The following SGCD variants were observed in gnomAD, a reference collection of about 807,000 sequenced individuals.
SGCD encodes the protein delta-sarcoglycan.
Under a neutral mutation model 36.6 loss-of-function variants are expected in SGCD, and 18 were observed. That is an observed-to-expected ratio of 0.49 (90% confidence interval 0.34 to 0.73). SGCD has a LOEUF of 0.73. Among genes scored for constraint, SGCD ranks in the 30% least tolerant of loss-of-function variants. The pLI, the probability that SGCD is intolerant of heterozygous loss-of-function variation, is 0.01. For synonymous variants in SGCD, 133 were observed against 130.6 expected, an observed-to-expected ratio of 1.02 and a Z score of -0.12; for missense variants, 387 against 346.7, an observed-to-expected ratio of 1.12 and a Z score of -0.92.
Position 156,030,403 on chromosome 5 carries a change from G to A in SGCD, c.-281-87475G>A, listed in dbSNP as rs28716442. Among the ~76,000 whole-genome samples the A allele has an allele frequency of 2.5e-3, 375 of 152,238 alleles. 2 individuals carry two copies. Among genetic ancestry groups the A allele is most frequent in the African/African-American group, 8.7e-3 (361 of 41,536 alleles). On this transcript the variant is annotated intron_variant, in intron 1 of 9. Transcript: ENST00000517913. ...AGTCATAGGGGAAATGCCAGGTGAC[G>A]GCAGAGGCAGAGATGAGAGTGGCAT...
intron 3 of SGCD, among the ~76,000 whole-genome samples, chr5:156,457,096 C>T (rs1442948869): frequency 6.6e-6 from 1 of 152,126 alleles, no homozygotes; most frequent in Non-Finnish European, 1.5e-5. Context: ...TTTATGCTAA[C>T]TTTCTTATTT....
In SGCD at chr5:156,763,435, C is replaced by G. The variant is rs1757532405; in HGVS notation, c.*4045C>G. The G allele has an allele frequency of 6.6e-6, 1 of 152,472 alleles. No homozygotes were observed. The highest frequency in any genetic ancestry group is 1.5e-5 in the Non-Finnish European group (1 of 67,988). The allele number at this position is 152,472 out of a possible 1,614,324, so 9.4% of individuals were successfully genotyped here. On this transcript the variant is annotated 3_prime_UTR_variant, in exon 9 of 9. Transcript: ENST00000337851. ...AAATAATTGGAAGTATTGGAAAAAG[C>G]AAAATACATGGGGACAAAAAAAATA...
At position 156,423,376 on chromosome 5, in the gene SGCD, T is replaced by TTATAA. The variant is rs1189825662; in HGVS notation, c.192+78709_192+78713dup. ...TTTTATTATAATATATTATATTTTA[T>TTATAA]TATAATATAATATATTATATTTTAT... On this transcript the variant is annotated intron_variant, in intron 3 of 8. Coordinates refer to ENST00000337851, the MANE Select transcript of SGCD (RefSeq NM_000337.6). Among the ~76,000 whole-genome samples the TTATAA allele has an allele frequency of 6.3e-4, 53 of 83,582 alleles. 1 individual carries two copies. The highest frequency in any genetic ancestry group is 4.4e-3 in the East Asian group (13 of 2,926). The allele number at this position is 83,582 out of a possible 152,430, so 54.8% of individuals were successfully genotyped here.
intron 3 of SGCD, among the ~76,000 whole-genome samples, chr5:156,486,653 A>G (rs1260616563): frequency 6.6e-6 from 1 of 152,142 alleles, no homozygotes; most frequent in Non-Finnish European, 1.5e-5. Context: ...CACTTGTTAT[A>G]CAGGGGGCTG....
chr5:156,487,931 C>T (rs1326418470), intron 3 of SGCD, among the ~76,000 whole-genome samples: 1 of 137,678 alleles, frequency 7.3e-6, no homozygotes, highest in Non-Finnish European at 1.5e-5. Flanking sequence ...AGAAAAAATT[C>T]ATAATCTCAA....
At chr5:156,386,616 T>G (rs1771289296) in intron 3 of SGCD, among the ~76,000 whole-genome samples, 1 of 152,234 alleles carries the variant, frequency 6.6e-6, no homozygotes, top group Non-Finnish European at 1.5e-5. Flanking sequence ...GCCATATATC[T>G]TAATGAAATG....
intron 3 of SGCD, among the ~76,000 whole-genome samples, chr5:156,188,276 G>T (rs557319456): frequency 6.6e-6 from 1 of 152,106 alleles, no homozygotes; most frequent in Non-Finnish European, 1.5e-5. Flanking sequence ...TCCTGCCCTT[G>T]TGGAGCTCAT....
At chr5:156,495,396 C>A (rs779473400) in intron 3 of SGCD, among the ~76,000 whole-genome samples, 44 of 152,212 alleles carry the variant, frequency 2.9e-4, no homozygotes, top group Non-Finnish European at 3.2e-4. Context: ...CTGAACTTAT[C>A]CCTGGAAACC....
the SGCD span, among the ~76,000 whole-genome samples, chr5:155,859,136 A>G: frequency 6.6e-6 from 1 of 151,744 alleles, no homozygotes; most frequent in Admixed American, 6.6e-5. Flanking sequence ...ATCATGGCTC[A>G]CTGCAGCCGT....
chr5:156,458,782 G>A (rs1036698408), intron 3 of SGCD, among the ~76,000 whole-genome samples: 1 of 152,162 alleles, frequency 6.6e-6, no homozygotes, highest in Non-Finnish European at 1.5e-5. Context: ...AATTTCAAGA[G>A]CATGATGAGA....
At chr5:156,121,797 A>G (rs1235788240) in intron 2 of SGCD, among the ~76,000 whole-genome samples, 2 of 152,022 alleles carry the variant, frequency 1.3e-5, no homozygotes, top group Non-Finnish European at 2.9e-5. Context: ...CATACTTTTT[A>G]TAGTAAAGCA....
At chr5:155,854,554 T>TTA in the SGCD span, among the ~76,000 whole-genome samples, 3 of 152,168 alleles carry the variant, frequency 2.0e-5, no homozygotes, top group Non-Finnish European at 4.4e-5. Flanking sequence ...TACAGGTAGA[T>TTA]TATGCTGATT....
At chr5:156,455,096 C>A (rs1029886779) in intron 3 of SGCD, among the ~76,000 whole-genome samples, 1 of 152,132 alleles carries the variant, frequency 6.6e-6, no homozygotes, top group Non-Finnish European at 1.5e-5. Context: ...AGTTGATAAG[C>A]AATAAATAGA....
rs111707662 is a variant in SGCD, at chr5:156,713,415, G to C, written c.576-44166G>C. 4.8e-3 allele frequency among the ~76,000 whole-genome samples: 712 copies of C among 149,540 alleles called. 9 individuals carry two copies. The highest frequency in any genetic ancestry group is 0.017 in the African/African-American group (680 of 40,264). On this transcript the variant is annotated intron_variant, in intron 7 of 8. Transcript: ENST00000337851. Reference sequence around the variant, plus strand: ...AATATGGACTTTGAACATGTCGGGGGGGGCGTTATAGGAGGGAGAGAGGAG... The same window carrying C: ...AATATGGACTTTGAACATGTCGGGGCGGGCGTTATAGGAGGGAGAGAGGAG...
the SGCD span, among the ~76,000 whole-genome samples, chr5:155,853,045 C>T: frequency 6.7e-6 from 1 of 149,360 alleles, no homozygotes; most frequent in African/African-American, 2.6e-5. Flanking sequence ...TATCCAAGCT[C>T]TAAGACTGGA....
At chr5:155,732,694 C>A in the SGCD span, among the ~76,000 whole-genome samples, 1 of 152,164 alleles carries the variant, frequency 6.6e-6, no homozygotes, top group Non-Finnish European at 1.5e-5. Context: ...CCCCTAAAGG[C>A]TTACTGAATC....
chr5:156,508,459 C>T, intron 3 of SGCD, 142 bp from the exon 4 acceptor site: 1 of 607,010 alleles, frequency 1.6e-6, no homozygotes, highest in South Asian at 2.1e-5. Context: ...TAATATTTTA[C>T]ATGTTTTTTG....
chr5:156,400,896 A>G (rs1168704210), intron 3 of SGCD, among the ~76,000 whole-genome samples: 2 of 152,214 alleles, frequency 1.3e-5, no homozygotes, highest in Non-Finnish European at 2.9e-5. Context: ...AGAATGAAGA[A>G]CTGCATTTGG....
At chr5:156,081,592 C>T (rs1033563005) in intron 1 of SGCD, among the ~76,000 whole-genome samples, 32 of 152,124 alleles carry the variant, frequency 2.1e-4, no homozygotes, top group East Asian at 9.7e-4. Flanking sequence ...CACCAAGTCT[C>T]GCTATGTTGT....
Sources: allele counts gnomAD v4.1 joint callset (sites outside exome capture counted in the v4.1 genomes callset), GRCh38; gene constraint gnomAD v4.1.1; transcripts MANE v1.5; gene names NCBI Gene and HGNC (gene_info 2026-07-23, HGNC 2026-07-21).